RALGAPA1: variants seen among roughly 807,000 people sequenced by gnomAD.
The protein encoded by RALGAPA1 is ral GTPase-activating protein subunit alpha-1.
In RALGAPA1, 52 loss-of-function variants were observed where a neutral mutation model predicts 269.6. The ratio of observed to expected loss-of-function variants is 0.19; its 90% CI spans 0.15 to 0.24. The LOEUF is 0.24. Ranked by LOEUF, RALGAPA1 falls within the 10% of genes least tolerant of loss-of-function variation. The pLI is 1.00. For synonymous variants in RALGAPA1, 817 were observed against 1,008.3 expected (o/e 0.81, Z 3.60); for missense variants, 1,917 against 3,013.9 (o/e 0.64, Z 8.52).
chr14:35,591,806 A>G (rs905186818), intron 37 of RALGAPA1, among the ~76,000 whole-genome samples: 9 of 152,160 alleles, frequency 5.9e-5, no homozygotes, highest in African/African-American at 2.2e-4. Flanking sequence ...ATTGTAATCC[A>G]CATGTGTCAA....
intron 31 of RALGAPA1, among the ~76,000 whole-genome samples, chr14:35,647,659 A>G (rs184254899): frequency 7.9e-5 from 12 of 152,320 alleles, no homozygotes; most frequent in Admixed American, 3.3e-4. Flanking sequence ...GTATAATTAT[A>G]AAGAGGTTTA....
At chr14:35,683,737 CA>C (rs970338918) in intron 21 of RALGAPA1, 71 bp downstream of exon 21, 1 of 1,213,700 alleles carries the variant, frequency 8.2e-7, no homozygotes, top group African/African-American at 1.5e-5. Context: ...TAAAATCTCT[CA>C]AAATTTTAAT....
intron 4 of RALGAPA1, chr14:35,766,412 A>C: frequency 6.4e-7 from 1 of 1,572,578 alleles, no homozygotes; most frequent in East Asian, 2.2e-5. Context: ...TATCAAGTGA[A>C]GTACAGTCTC....
At chr14:35,720,261 T>C (rs1047754223) in intron 16 of RALGAPA1, among the ~76,000 whole-genome samples, 10 of 152,236 alleles carry the variant, frequency 6.6e-5, no homozygotes, top group African/African-American at 1.9e-4. Flanking sequence ...TGTAATTCTA[T>C]GCTTATTTTA....
At chr14:35,585,904 C>A (rs1047480335) in intron 37 of RALGAPA1, among the ~76,000 whole-genome samples, 25 of 152,144 alleles carry the variant, frequency 1.6e-4, no homozygotes, top group African/African-American at 5.6e-4. Flanking sequence ...CAGCTTTGTT[C>A]TTTTTGCTTA....
chr14:35,575,198 A>C (rs2057470593), intron 37 of RALGAPA1, among the ~76,000 whole-genome samples: 1 of 152,066 alleles, frequency 6.6e-6, no homozygotes, highest in Admixed American at 6.6e-5. Context: ...AGAAGTTCCT[A>C]TCTACATGTT....
chr14:35,641,668 A>G (rs1473830110), intron 31 of RALGAPA1, among the ~76,000 whole-genome samples: 2 of 152,338 alleles, frequency 1.3e-5, no homozygotes, highest in African/African-American at 4.8e-5. Flanking sequence ...TCATGTCCAT[A>G]CTACCCAAAT....
At chr14:35,614,450 A>G (rs1237108680) in intron 35 of RALGAPA1, among the ~76,000 whole-genome samples, 1 of 152,170 alleles carries the variant, frequency 6.6e-6, no homozygotes, top group Admixed American at 6.6e-5. Flanking sequence ...TAAGTAAAAA[A>G]AAAGCTGCCA....
At chr14:35,690,192 G>C (rs1355034857) in intron 17 of RALGAPA1, among the ~76,000 whole-genome samples, 189 bp from the exon 18 acceptor site, 1 of 152,050 alleles carries the variant, frequency 6.6e-6, no homozygotes, top group Non-Finnish European at 1.5e-5. Flanking sequence ...ATAGCATGTA[G>C]TGTCAATGAA....
At chr14:35,597,967 T>C (rs187541107) in intron 36 of RALGAPA1, among the ~76,000 whole-genome samples, 3 of 152,328 alleles carry the variant, frequency 2.0e-5, no homozygotes, top group Non-Finnish European at 2.9e-5. Flanking sequence ...ATATGTTCTG[T>C]GGGAACTTGA....
chr14:35,559,157 T>C (rs769086729), intron 39 of RALGAPA1, among the ~76,000 whole-genome samples: 10 of 152,176 alleles, frequency 6.6e-5, no homozygotes, highest in Non-Finnish European at 1.0e-4. Flanking sequence ...TTGAGAGGAA[T>C]AGCAGTTAGA....
chr14:35,701,427 G>A lies in RALGAPA1; in HGVS notation c.2267-1125C>T, dbSNP rs534927450. 4.6e-5 allele frequency among the ~76,000 whole-genome samples: 7 copies of A among 152,186 alleles called. No individual in the cohort carries two copies. The South Asian group carries it at 1.2e-3, about 27-fold the overall frequency. ...TAGATTATCACACAACTCACACAAG[G>A]CCTTTACGACTTGCCTACAATCTAC... On this transcript the variant is annotated intron_variant, in intron 16 of 41. Transcript: ENST00000680220.
intron 35 of RALGAPA1, among the ~76,000 whole-genome samples, chr14:35,610,196 A>C (rs184932843): frequency 9.9e-5 from 15 of 152,056 alleles, no homozygotes; most frequent in African/African-American, 3.6e-4. Context: ...CAGAAATAAA[A>C]AATATTATAA....
chr14:35,783,607 A>G (rs1020453440), intron 1 of RALGAPA1, among the ~76,000 whole-genome samples: 6 of 152,230 alleles, frequency 3.9e-5, no homozygotes, highest in African/African-American at 1.4e-4. Context: ...GCTTCAGAGG[A>G]CACTATCAAG....
chr14:35,695,705 A>T (rs2066845674), intron 17 of RALGAPA1, among the ~76,000 whole-genome samples: 1 of 152,246 alleles, frequency 6.6e-6, no homozygotes, highest in African/African-American at 2.4e-5. Context: ...AAGTATACAC[A>T]AAGCTGCCTA....
chr14:35,725,746 G>A (rs1418633001), intron 13 of RALGAPA1, among the ~76,000 whole-genome samples: 1 of 151,652 alleles, frequency 6.6e-6, no homozygotes, highest in Non-Finnish European at 1.5e-5. Context: ...CATGCCTATA[G>A]TCTCAGCTAC....
rs777332566 is a variant in RALGAPA1, at chr14:35,751,809, C to A, written c.802+215G>T. ...TTAAAAAAAACAACAACAACAACAA[C>A]AACAAAAAAAAACAAAAAAAGAAAA... On this transcript the variant is annotated intron_variant, in intron 8 of 41. Coordinates refer to ENST00000680220, the MANE Select transcript of RALGAPA1 (RefSeq NM_001346249.2). Among the ~76,000 whole-genome samples the A allele has an allele frequency of 5.6e-3, 605 of 108,100 alleles. 2 individuals are homozygous for A. The highest frequency in any genetic ancestry group is 9.0e-3 in the African/African-American group (286 of 31,894). The allele number at this position is 108,100 out of a possible 152,430, so 70.9% of individuals were successfully genotyped here.
intron 37 of RALGAPA1, among the ~76,000 whole-genome samples, chr14:35,580,208 T>C (rs1045892878): frequency 2.0e-5 from 3 of 152,206 alleles, no homozygotes. Flanking sequence ...CAACTAAGTA[T>C]GTTACAATTA....
At chr14:35,657,192 C>CT (rs1322013761) in intron 28 of RALGAPA1, among the ~76,000 whole-genome samples, 126 of 143,994 alleles carry the variant, frequency 8.8e-4, no homozygotes, top group Non-Finnish European at 8.0e-4. Context: ...TTTCTTTTTT[C>CT]TTTTTTTTTT....
Sources: allele counts gnomAD v4.1 joint callset (sites outside exome capture counted in the v4.1 genomes callset), GRCh38; gene constraint gnomAD v4.1.1; transcripts MANE v1.5; gene names NCBI Gene and HGNC (gene_info 2026-07-23, HGNC 2026-07-21).